Variants in DMD observed in about 807,000 individuals in gnomAD.
The protein encoded by DMD is dystrophin, also known as mutant dystrophin.
Under a neutral mutation model 330.1 loss-of-function variants are expected in DMD, and 63 were observed. The observed-to-expected ratio is 0.19, with a 90% CI of 0.16 to 0.24. The LOEUF is 0.24. Ranked by LOEUF, DMD falls within the 10% of genes least tolerant of loss-of-function variation. The pLI is 1.00. For synonymous variants in DMD, 1,223 were observed against 959.8 expected, an observed-to-expected ratio of 1.27 and a Z score of -5.07; for missense variants, 3,344 against 2,684.1, an observed-to-expected ratio of 1.25 and a Z score of -5.43.
chrX:31,399,175 T>A (rs1306421660), intron 60 of DMD, among the ~76,000 whole-genome samples: 2 of 109,635 alleles, frequency 1.8e-5, no homozygotes, highest in East Asian at 5.8e-4. Context: ...ATGAACAAAT[T>A]GAAGATGGTA....
rs762206286 is a variant in DMD, at chrX:31,620,892, C to A, written c.8217+6781G>T. ...ACATTTAGATATATTTCTGAGTGGA[C>A]CATGGAGAAATTCAAATAACGACAT... is the stretch of plus-strand genomic sequence containing the variant. On this transcript the variant is annotated intron_variant, in intron 55 of 78. Coordinates refer to ENST00000357033, the MANE Select transcript of DMD (RefSeq NM_004006.3). 7.2e-5 allele frequency among the ~76,000 whole-genome samples: 8 copies of A among 111,460 alleles called. 1 individual carries two copies. In the South Asian group the frequency reaches 3.0e-3, roughly 42 times the overall value.
At chrX:32,697,790 T>C (rs1165939998) in intron 9 of DMD, 80 bp downstream of exon 9, 6 of 1,177,797 alleles carry the variant, frequency 5.1e-6, no homozygotes, top group Non-Finnish European at 2.3e-6. Context: ...CACTGAAAAA[T>C]TCAAGCAAGT....
chrX:31,215,086 C>T (rs1157681496), intron 64 of DMD, among the ~76,000 whole-genome samples: 2 of 106,233 alleles, frequency 1.9e-5, no homozygotes, highest in Non-Finnish European at 3.9e-5. Context: ...GGACTACAGT[C>T]GCTCGCCATC....
chrX:31,900,491 G>A lies in DMD; in HGVS notation c.6913-25118C>T, dbSNP rs144596672. ...CCTTGCCTGGTGCCATAGTTGTGAGGTCTCCCCAGCCAAGTGGAACCGTAA... is the reference window on the plus strand; with the variant it reads ...CCTTGCCTGGTGCCATAGTTGTGAGATCTCCCCAGCCAAGTGGAACCGTAA... On this transcript the variant is annotated intron_variant, in intron 47 of 78. Coordinates refer to ENST00000357033, the MANE Select transcript of DMD (RefSeq NM_004006.3). Among the ~76,000 whole-genome samples, 492 of 111,253 alleles carry A rather than the reference G, an allele frequency of 4.4e-3. 2 individuals are homozygous for A. Among genetic ancestry groups the A allele is most frequent in the South Asian group, 9.2e-3 (24 of 2,619 alleles).
intron 64 of DMD, among the ~76,000 whole-genome samples, chrX:31,219,358 G>C (rs1473201027): frequency 9.0e-6 from 1 of 111,147 alleles, no homozygotes; most frequent in Non-Finnish European, 1.9e-5. Flanking sequence ...TGGAGCTACC[G>C]TGAAACACTC....
At chrX:31,509,943 C>G (rs1328013249) in intron 55 of DMD, among the ~76,000 whole-genome samples, 1 of 111,797 alleles carries the variant, frequency 8.9e-6, no homozygotes, top group East Asian at 2.8e-4. Context: ...GCAATTCCTG[C>G]CAAGTCTTCA....
chrX:31,976,910 T>A (rs185448717), intron 44 of DMD, among the ~76,000 whole-genome samples: 1 of 111,764 alleles, frequency 8.9e-6, no homozygotes, highest in Admixed American at 9.5e-5. Flanking sequence ...AAATATTTAA[T>A]TTAGGGTAAC....
intron 53 of DMD, among the ~76,000 whole-genome samples, chrX:31,667,344 G>A (rs2081487442): frequency 9.0e-6 from 1 of 111,435 alleles, no homozygotes; most frequent in African/African-American, 3.3e-5. Flanking sequence ...TGGACATTTG[G>A]GTTGGTTCTA....
chrX:32,262,999 GCACT>G (rs1356377649), intron 43 of DMD, among the ~76,000 whole-genome samples: 1 of 111,789 alleles, frequency 8.9e-6, no homozygotes, highest in Non-Finnish European at 1.9e-5. Context: ...TTTCTTAAAA[GCACT>G]CACTAAGAAA....
chrX:32,953,058 C>G (rs1227220554), intron 2 of DMD, among the ~76,000 whole-genome samples: 1 of 106,502 alleles, frequency 9.4e-6, no homozygotes, highest in East Asian at 3.0e-4. Flanking sequence ...TCACTTGAAC[C>G]CAGGAGATGG....
chrX:31,226,324 A>G (rs1490874895), intron 63 of DMD, among the ~76,000 whole-genome samples: 2 of 112,065 alleles, frequency 1.8e-5, no homozygotes. Context: ...TCTATCTTCC[A>G]TTTTGTGGGC....
At chrX:31,553,655 G>A (rs962896878) in intron 55 of DMD, among the ~76,000 whole-genome samples, 3 of 111,903 alleles carry the variant, frequency 2.7e-5, no homozygotes, top group Non-Finnish European at 3.8e-5. Flanking sequence ...ATATAATCAC[G>A]CCCATGAGAG....
At chrX:32,445,343 CA>C (rs2098298988) in intron 27 of DMD, among the ~76,000 whole-genome samples, 2 of 109,832 alleles carry the variant, frequency 1.8e-5, no homozygotes, top group Admixed American at 9.7e-5. Flanking sequence ...TTGTGAGCAG[CA>C]AAAAAAGGAC....
At chrX:33,044,140 A>G (rs2094345006) in intron 1 of DMD, among the ~76,000 whole-genome samples, 1 of 111,960 alleles carries the variant, frequency 8.9e-6, no homozygotes, top group South Asian at 3.7e-4. Flanking sequence ...ATGATTGTTT[A>G]AAAGAGAGAG....
At chrX:33,285,520 T>C (rs1770216694) in intron 1 of DMD, among the ~76,000 whole-genome samples, 1 of 112,107 alleles carries the variant, frequency 8.9e-6, no homozygotes, top group South Asian at 3.7e-4. Flanking sequence ...GTCAAAATAA[T>C]GTGGAACAAG....
At chrX:32,184,783 G>C (rs978331336) in intron 44 of DMD, among the ~76,000 whole-genome samples, 1 of 106,500 alleles carries the variant, frequency 9.4e-6, no homozygotes, top group South Asian at 4.2e-4. Context: ...GGTTAGAAAA[G>C]GCAAGTGGTT....
At position 33,211,448 on chromosome X, in the gene DMD, T is replaced by A. The variant is rs2051909675; in HGVS notation, c.-136A>T. On this transcript the variant is annotated 5_prime_UTR_variant, in exon 1 of 79. Transcript: ENST00000357033. The stretch of plus-strand genomic sequence containing the variant: ...TTTAAAAAAAGTAACACTTCAGTTT[T>A]TCCTATTCGTTTTTCTCCGAAGGTA... The A allele has an allele frequency of 7.9e-6, 9 of 1,140,987 alleles. No individual in the cohort carries two copies. Among genetic ancestry groups the A allele is most frequent in the Non-Finnish European group, 1.0e-5 (9 of 859,977 alleles). The allele number at this position is 1,140,987 out of a possible 1,213,427, so 94.0% of individuals were successfully genotyped here.
chrX:32,504,018 G>A (rs1482915344), intron 18 of DMD, among the ~76,000 whole-genome samples: 2 of 111,669 alleles, frequency 1.8e-5, no homozygotes. Context: ...AGAAAGCTCA[G>A]AAACAGATCC....
At chrX:32,873,994 G>A (rs779272300) in intron 2 of DMD, among the ~76,000 whole-genome samples, 54 of 111,722 alleles carry the variant, frequency 4.8e-4, no homozygotes, top group Non-Finnish European at 8.5e-4. Flanking sequence ...GTGCAGACTC[G>A]TGTGAGGTCT....
Sources: gnomAD v4.1 joint callset for allele counts (sites outside exome capture counted in the v4.1 genomes callset) on GRCh38, gnomAD v4.1.1 for gene constraint, MANE v1.5 for transcripts, NCBI Gene and HGNC (gene_info 2026-07-23, HGNC 2026-07-21) for gene names.